CEP290: variants seen among roughly 807,000 people sequenced by gnomAD.
CEP290 encodes the protein centrosomal protein of 290 kDa.
In CEP290, 317 loss-of-function variants were observed where a neutral mutation model predicts 344.9. The observed-to-expected ratio is 0.92, with a 90% CI of 0.84 to 1.01. The LOEUF (loss-of-function observed/expected upper bound fraction) is 1.01. Ranked by LOEUF, CEP290 falls within the 50% of genes least tolerant of loss-of-function variation. CEP290 has a pLI of 0.00. For missense variants in CEP290, 2,754 were observed against 2,761.4 expected, an observed-to-expected ratio of 1.00 and a Z score of 0.06; for synonymous variants, 932 against 895.8, an observed-to-expected ratio of 1.04 and a Z score of -0.72.
At chr12:88,050,161 T>C (rs2033354159) in intron 53 of CEP290, 193 bp downstream of exon 53, 2 of 467,858 alleles carry the variant, frequency 4.3e-6, no homozygotes, top group Admixed American at 8.6e-5. Flanking sequence ...CTTAATCCTA[T>C]GTTGAGTCTG....
At chr12:88,063,435 A>T (rs899025305) in intron 45 of CEP290, among the ~76,000 whole-genome samples, 1 of 152,140 alleles carries the variant, frequency 6.6e-6, no homozygotes, top group East Asian at 1.9e-4. Flanking sequence ...TATATTTTAC[A>T]GTGTGATAAT....
rs2036837782 is a variant in CEP290, at chr12:88,089,319, C to G, written c.3742G>C (p.Ala1248Pro). 5 of 1,613,794 alleles carry G rather than the reference C, an allele frequency of 3.1e-6. No homozygotes were observed. Among genetic ancestry groups the G allele is most frequent in the Admixed American group, 1.7e-5 (1 of 59,984 alleles). The change falls in exon 31 of 54, where the codon GCT (alanine) becomes CCT (proline). Residue 1248 changes from alanine to proline, a missense_variant. By Grantham distance (27) the Ala-to-Pro change is conservative. Coordinates refer to ENST00000552810, the MANE Select transcript of CEP290 (RefSeq NM_025114.4). ...LEQKLDEKEQ[A>P]LYYARLEGRN... ...CCCTCCAAACGAGCATAATAGAGAG[C>G]CTGTTCTTTTTCATCAAGTTTCTGC... is the stretch of plus-strand genomic sequence containing the variant.
chr12:88,078,429 G>A (rs1269264727), intron 39 of CEP290, among the ~76,000 whole-genome samples: 4 of 152,076 alleles, frequency 2.6e-5, no homozygotes, highest in Non-Finnish European at 5.9e-5. Flanking sequence ...GGGACACACT[G>A]TATGTTTCCA....
chr12:88,111,271 A>G lies in CEP290; in HGVS notation c.2298T>C (p.Pro766=). ...SNVVFKGIDL[P]DGIAPSSASI... ...TGGCACTAGATGGTGCTATCCCATC[A>G]GGTAAGTCAATTCCTTTAAAAACAA... Residue 766 remains proline, a synonymous_variant, in exon 22 of 54, where the codon CCT becomes CCC. Transcript: ENST00000552810. The G allele has an allele frequency of 1.9e-6, 3 of 1,548,416 alleles. No homozygotes were observed. Among genetic ancestry groups the G allele is most frequent in the East Asian group, 2.4e-5 (1 of 41,852 alleles).
At chr12:88,065,710 G>A (rs549567541) in intron 44 of CEP290, among the ~76,000 whole-genome samples, 23 of 152,078 alleles carry the variant, frequency 1.5e-4, no homozygotes, top group Non-Finnish European at 2.8e-4. Flanking sequence ...TTAGAGTAGA[G>A]GGTAATTCTA....
intron 20 of CEP290, among the ~76,000 whole-genome samples, chr12:88,113,055 G>A (rs1315469916): frequency 6.6e-6 from 1 of 152,094 alleles, no homozygotes; most frequent in Admixed American, 6.5e-5. Context: ...GAGAAGTATT[G>A]CTAGGTGATT....
chr12:88,082,261 C>T (rs763577494), intron 37 of CEP290, among the ~76,000 whole-genome samples: 2 of 152,212 alleles, frequency 1.3e-5, no homozygotes, highest in Non-Finnish European at 2.9e-5. Flanking sequence ...ATATGACAGA[C>T]ACTCTTATAA....
chr12:88,049,173 A>G lies in CEP290; in HGVS notation c.*11T>C, dbSNP rs570010984. 20 of 1,505,368 alleles carry G rather than the reference A, an allele frequency of 1.3e-5. No individual in the cohort carries two copies. Among genetic ancestry groups the G allele is most frequent in the African/African-American group, 1.3e-4 (9 of 71,494 alleles). The allele number at this position is 1,505,368 out of a possible 1,614,324, so 93.3% of individuals were successfully genotyped here. ...TAAATAGTTAAATGAAACAAAGTTT[A>G]TAGGTGACCTTTAGTAAATGGGGAA... On this transcript the variant is annotated 3_prime_UTR_variant, in exon 54 of 54. Coordinates refer to ENST00000552810, the MANE Select transcript of CEP290 (RefSeq NM_025114.4).
In CEP290 at chr12:88,139,171, CT is replaced by C; in HGVS notation, c.270del (p.Val91Ter). On this transcript the variant is annotated frameshift_variant, in exon 5 of 54. Transcript: ENST00000552810. LOFTEE classifies it high-confidence loss of function. The part of the protein sequence containing the change: ...QAKFENQLKT[K>X]VMKLENELEM... ...TCCAGTTCATTTTCCAGTTTCATTA[CT>C]TTAGTTTTTAATTGATTTTCTATTT... is the stretch of plus-strand genomic sequence containing the variant. The C allele has an allele frequency of 8.4e-7, 1 of 1,190,972 alleles. No homozygotes were observed. Among genetic ancestry groups the C allele is most frequent in the Non-Finnish European group, 1.1e-6 (1 of 871,374 alleles). 73.8% of individuals were successfully genotyped at this position (1,190,972 alleles called of 1,614,324 possible). A position where few individuals can be genotyped will look rare whatever the true frequency, so the allele number is the denominator to read the frequency against.
rs370984231 is a variant in CEP290, at chr12:88,133,431, G to A, written c.442-2213C>T. Among the ~76,000 whole-genome samples, 3 of 152,186 alleles carry A rather than the reference G, an allele frequency of 2.0e-5. No individual in the cohort carries two copies. The East Asian group carries it at 5.8e-4, about 29-fold the overall frequency. On this transcript the variant is annotated intron_variant, in intron 6 of 53. Coordinates refer to ENST00000552810, the MANE Select transcript of CEP290 (RefSeq NM_025114.4). The stretch of plus-strand genomic sequence containing the variant: ...CTGCATAGTATTCTATGATGTATAT[G>A]TTCCACATTTTCATTATCCAGTCTA...
chr12:88,077,096 A>C, intron 41 of CEP290, 126 bp downstream of exon 41: 2 of 914,834 alleles, frequency 2.2e-6, no homozygotes, highest in Non-Finnish European at 3.1e-6. Flanking sequence ...TAGTCCTCAA[A>C]ATTAATACAG....
Position 88,092,672 on chromosome 12 carries a change from T to C in CEP290, c.3461+9A>G, listed in dbSNP as rs1301659851. The C allele has an allele frequency of 2.5e-6, 4 of 1,602,944 alleles. No individual in the cohort carries two copies. Among genetic ancestry groups the C allele is most frequent in the Middle Eastern group, 1.7e-4 (1 of 6,016 alleles). ...TAGTCAAATGGCTAAAATGCTTATA[T>C]GCACTTACTTTGACACTTCAACTTT... is the stretch of plus-strand genomic sequence containing the variant. On this transcript the variant is annotated intron_variant, in intron 29 of 53. Coordinates refer to ENST00000552810, the MANE Select transcript of CEP290 (RefSeq NM_025114.4).
At chr12:88,069,880 AC>A (rs1346518474) in intron 43 of CEP290, among the ~76,000 whole-genome samples, 4 of 152,356 alleles carry the variant, frequency 2.6e-5, no homozygotes, top group African/African-American at 7.2e-5. Flanking sequence ...TAATATGATC[AC>A]AGATCATTTG....
At chr12:88,094,247 T>G (rs2037266895) in intron 27 of CEP290, among the ~76,000 whole-genome samples, 1 of 151,190 alleles carries the variant, frequency 6.6e-6, no homozygotes, top group African/African-American at 2.4e-5. Flanking sequence ...ACTAACAACA[T>G]AAAGGACTTA....
intron 32 of CEP290, among the ~76,000 whole-genome samples, 190 bp downstream of exon 32, chr12:88,087,590 G>C (rs2036681400): frequency 6.6e-6 from 1 of 151,444 alleles, no homozygotes; most frequent in South Asian, 2.1e-4. Context: ...CACGGTGGCG[G>C]GTGCCTGTAG....
intron 31 of CEP290, 43 bp from the exon 32 acceptor site, chr12:88,087,987 A>T: frequency 1.3e-6 from 1 of 766,152 alleles, no homozygotes; most frequent in Non-Finnish European, 1.8e-6. Flanking sequence ...ATGCTATATT[A>T]ACAAATAACA....
chr12:88,097,700 C>T (rs1479892914), intron 26 of CEP290, among the ~76,000 whole-genome samples: 2 of 151,606 alleles, frequency 1.3e-5, no homozygotes, highest in African/African-American at 4.9e-5. Flanking sequence ...ATCCAATATA[C>T]GGCCTCAATT....
rs778428113 is a variant in CEP290, at chr12:88,111,650, C to T, written c.2217+44G>A. On this transcript the variant is annotated intron_variant, in intron 21 of 53. Coordinates refer to ENST00000552810, the MANE Select transcript of CEP290 (RefSeq NM_025114.4). Reference sequence around the variant, plus strand: ...AATTAAAAATTTCCTATTAAATCTACATTCTTATGTTTAGCATTTTCTTTT... The same window carrying T: ...AATTAAAAATTTCCTATTAAATCTATATTCTTATGTTTAGCATTTTCTTTT... The T allele has an allele frequency of 7.5e-6, 11 of 1,469,994 alleles. No homozygotes were observed. In the East Asian group the frequency reaches 7.6e-5, roughly 10 times the overall value. The allele number at this position is 1,469,994 out of a possible 1,614,324, so 91.1% of individuals were successfully genotyped here.
At chr12:88,113,095 G>GA (rs2038808601) in intron 20 of CEP290, among the ~76,000 whole-genome samples, 2 of 152,024 alleles carry the variant, frequency 1.3e-5, no homozygotes, top group South Asian at 4.1e-4. Context: ...CTATGAATCT[G>GA]AAAAAACAAT....
Sources: allele counts gnomAD v4.1 joint callset (sites outside exome capture counted in the v4.1 genomes callset), GRCh38; gene constraint gnomAD v4.1.1; transcripts MANE v1.5; gene names NCBI Gene and HGNC (gene_info 2026-07-23, HGNC 2026-07-21).